The following ECT2L variants were observed in gnomAD, a reference collection of about 807,000 sequenced individuals.
The protein encoded by ECT2L is epithelial cell-transforming sequence 2 oncogene-like.
In ECT2L, 126 loss-of-function variants were observed where a neutral mutation model predicts 122.8. That is an observed-to-expected ratio of 1.03 (90% CI 0.89 to 1.19). ECT2L has a LOEUF of 1.19. Among genes scored for constraint, ECT2L ranks in the 50% most tolerant of loss-of-function variants. The probability of loss-of-function intolerance (pLI) is 0.00; values close to 1 mark genes in which losing one functional copy is unlikely to be tolerated. For missense variants in ECT2L, 1,012 were observed against 1,064.1 expected (o/e 0.95, Z 0.68); for synonymous variants, 385 against 381.8 (o/e 1.01, Z -0.10).
chr6:138,831,512 A>C (rs906060029), intron 4 of ECT2L, among the ~76,000 whole-genome samples: 1 of 152,112 alleles, frequency 6.6e-6, no homozygotes, highest in Non-Finnish European at 1.5e-5. Context: ...TGACATTGCC[A>C]TCTACCTAGG....
At chr6:138,847,128 G>C (rs1433060162) in intron 8 of ECT2L, among the ~76,000 whole-genome samples, 1 of 151,198 alleles carries the variant, frequency 6.6e-6, no homozygotes, top group African/African-American at 2.4e-5. Context: ...AAAATAGCCG[G>C]GTGTGGTGGT....
chr6:138,882,686 AG>A, intron 15 of ECT2L, 37 bp from the exon 16 acceptor site: 1 of 1,608,004 alleles, frequency 6.2e-7, no homozygotes, highest in Non-Finnish European at 8.5e-7. Flanking sequence ...AGTTATCACA[AG>A]TGAATATTTC....
intron 8 of ECT2L, among the ~76,000 whole-genome samples, chr6:138,847,932 G>A (rs759332145): frequency 2.0e-5 from 3 of 152,120 alleles, no homozygotes; most frequent in South Asian, 4.2e-4. Context: ...ACAGTTTCAC[G>A]TGGCAAGGAG....
chr6:138,899,142 T>A (rs1779310943), intron 20 of ECT2L, among the ~76,000 whole-genome samples: 1 of 144,922 alleles, frequency 6.9e-6, no homozygotes, highest in Non-Finnish European at 1.5e-5. Context: ...ACATTCACAG[T>A]GGCAATACAG....
chr6:138,875,893 G>A (rs1778432053), intron 13 of ECT2L, among the ~76,000 whole-genome samples: 1 of 152,174 alleles, frequency 6.6e-6, no homozygotes, highest in Non-Finnish European at 1.5e-5. Context: ...GGCCAAGGCG[G>A]GCAGATTACC....
chr6:138,843,158 T>C lies in ECT2L; in HGVS notation c.522T>C (p.Asp174=), dbSNP rs1777103983. 6.2e-7 allele frequency: 1 copy of C among 1,613,958 alleles called. No individual in the cohort carries two copies. The highest frequency in any genetic ancestry group is 1.3e-5 in the African/African-American group (1 of 75,032). The stretch of plus-strand genomic sequence containing the variant: ...CGCTGAATGAACCCAAAACAGAAGA[T>C]GAGGAACTACTGGAGAGACAAAGAG... ...YGTLNEPKTE[D]EELLERQREK... The change falls in exon 6 of 22, where the codon GAT becomes GAC. Residue 174 remains aspartate, a synonymous_variant. Transcript: ENST00000541398.
intron 13 of ECT2L, among the ~76,000 whole-genome samples, chr6:138,875,853 G>C (rs999761736): frequency 5.3e-5 from 8 of 152,212 alleles, no homozygotes; most frequent in Non-Finnish European, 1.2e-4. Flanking sequence ...AGACTTGGTG[G>C]CTCATGCCTG....
At position 138,854,073 on chromosome 6, in the gene ECT2L, T is replaced by A. The variant is rs1342094164; in HGVS notation, c.1117T>A (p.Phe373Ile). 6.2e-6 allele frequency: 10 copies of A among 1,614,022 alleles called. No individual in the cohort carries two copies. The highest frequency in any genetic ancestry group is 1.7e-5 in the Admixed American group (1 of 59,990). Residue 373 changes from phenylalanine to isoleucine, a missense_variant, in exon 10 of 22, where the codon TTC becomes ATC. Physicochemically the swap from Phe to Ile is conservative, Grantham distance 21. Transcript: ENST00000541398. The part of the protein sequence containing the change: ...KNLLRPEVRD[F>I]WEKLGSYVAT... ...TTTACTGAGGCCTGAAGTGAGAGAT[T>A]TCTGGGAGAAATTAGGAAGCTATGT...
At position 138,903,091 on chromosome 6, in the gene ECT2L, A is replaced by T. The variant is rs1249760044; in HGVS notation, c.*464A>T. On this transcript the variant is annotated 3_prime_UTR_variant, in exon 22 of 22. Coordinates refer to ENST00000541398, the MANE Select transcript of ECT2L (RefSeq NM_001077706.3). ...ATGGATAAGAGGGCTGGGCATGATG[A>T]CTCACGCCTGTAATCCCAGCACTTT... The T allele has an allele frequency of 6.3e-6, 1 of 159,576 alleles. No homozygotes were observed. The highest frequency in any genetic ancestry group is 6.5e-5 in the Admixed American group (1 of 15,320). 9.9% of individuals were successfully genotyped at this position (159,576 alleles called of 1,614,324 possible).
chr6:138,850,122 A>C (rs897177974), intron 9 of ECT2L, among the ~76,000 whole-genome samples: 2 of 148,618 alleles, frequency 1.3e-5, no homozygotes, highest in African/African-American at 5.0e-5. Context: ...GGAGAGTCAC[A>C]CAGTATTTGT....
chr6:138,849,554 C>A (rs370082941), intron 9 of ECT2L, 120 bp downstream of exon 9: 12 of 943,728 alleles, frequency 1.3e-5, no homozygotes, highest in African/African-American at 1.8e-5. Flanking sequence ...GATTTTTTGG[C>A]TTTATGAAAA....
intron 4 of ECT2L, among the ~76,000 whole-genome samples, chr6:138,831,787 A>C (rs1022900052): frequency 2.6e-5 from 4 of 152,252 alleles, no homozygotes; most frequent in Non-Finnish European, 4.4e-5. Context: ...TGATTTAATA[A>C]GTGAATCCGT....
chr6:138,803,467 C>T (rs1106972), intron 1 of ECT2L, among the ~76,000 whole-genome samples: 143 of 152,006 alleles, frequency 9.4e-4, no homozygotes, highest in African/African-American at 3.1e-3. Flanking sequence ...AACAATTTTG[C>T]GAACTTGCTA....
Position 138,868,155 on chromosome 6 carries a change from T to C in ECT2L, c.1527T>C (p.Asp509=). The stretch of plus-strand genomic sequence containing the variant: ...TGACCAACATTCTAAACAACCAAGA[T>C]ACTGCGCAAGCTCTGGCAGATGGAT... ...MGMTNILNNQ[D]TAQALADGLM... is the part of the protein sequence containing the mutation. Residue 509 remains aspartate (D), a synonymous_variant, in exon 13 of 22, where the codon GAT becomes GAC. Coordinates refer to ENST00000541398, the MANE Select transcript of ECT2L (RefSeq NM_001077706.3). 3 of 1,613,894 alleles carry C rather than the reference T, an allele frequency of 1.9e-6. No individual in the cohort carries two copies. The highest frequency in any genetic ancestry group is 2.5e-6 in the Non-Finnish European group (3 of 1,179,864).
At chr6:138,856,923 C>T (rs1777631256) in intron 10 of ECT2L, among the ~76,000 whole-genome samples, 1 of 152,216 alleles carries the variant, frequency 6.6e-6, no homozygotes, top group African/African-American at 2.4e-5. Flanking sequence ...CCCTGTCTCT[C>T]AGCTTTGACC....
chr6:138,885,382 TAATTG>T (rs1778781098), intron 16 of ECT2L, 119 bp from the exon 17 acceptor site: 1 of 835,598 alleles, frequency 1.2e-6, no homozygotes, highest in Non-Finnish European at 2.0e-6. Flanking sequence ...AACAGTCTAC[TAATTG>T]GTTAGACATA....
chr6:138,875,694 A>T (rs1382735999), intron 13 of ECT2L, among the ~76,000 whole-genome samples: 3 of 152,242 alleles, frequency 2.0e-5, no homozygotes, highest in Non-Finnish European at 4.4e-5. Context: ...AGGTTATGTG[A>T]ACTGTTTATG....
chr6:138,819,892 A>AAAAAAAC (rs1295294858), intron 4 of ECT2L, among the ~76,000 whole-genome samples: 15 of 152,068 alleles, frequency 9.9e-5, no homozygotes, highest in African/African-American at 2.2e-4. Flanking sequence ...ATGTACCAAA[A>AAAAAAAC]AAAAAACAAA....
intron 1 of ECT2L, among the ~76,000 whole-genome samples, chr6:138,801,615 C>T (rs906323695): frequency 1.3e-5 from 2 of 152,040 alleles, no homozygotes; most frequent in African/African-American, 2.4e-5. Context: ...ATTAGCCAGG[C>T]ATGGTGGCAT....
Sources: gnomAD v4.1 joint callset for allele counts (sites outside exome capture counted in the v4.1 genomes callset) on GRCh38, gnomAD v4.1.1 for gene constraint, MANE v1.5 for transcripts, NCBI Gene and HGNC (gene_info 2026-07-23, HGNC 2026-07-21) for gene names.